Variants in TBPL2 observed in about 807,000 individuals in gnomAD.
TBPL2 encodes the protein TATA box-binding protein-like 2.
A neutral mutation model predicts 38.2 loss-of-function variants in TBPL2; 40 were observed. That is an observed-to-expected ratio of 1.05 (90% CI 0.81 to 1.36). The LOEUF is 1.36. Among genes scored for constraint, TBPL2 ranks in the 40% most tolerant of loss-of-function variants. TBPL2 has a pLI of 0.00. For missense variants in TBPL2, 461 were observed against 456.7 expected, an observed-to-expected ratio of 1.01 and a Z score of -0.09; for synonymous variants, 169 against 171.7, an observed-to-expected ratio of 0.98 and a Z score of 0.12.
intron 6 of TBPL2, among the ~76,000 whole-genome samples, chr14:55,416,657 A>T (rs17128459): frequency 0.046 from 6,982 of 151,978 alleles, 517 homozygotes; most frequent in African/African-American, 0.16. Context: ...ACAAAACCAA[A>T]CTCTTTAGAA....
At chr14:55,433,679 T>C (rs765020297) in exon 4 of TBPL2, 34 of 1,614,118 alleles carry the variant, frequency 2.1e-5, no homozygotes, top group Non-Finnish European at 2.9e-5. Flanking sequence ...ATAAGGGCTG[T>C]TGTCCTGGGC....
At chr14:55,422,992 G>GA (rs1885768176) in intron 6 of TBPL2, among the ~76,000 whole-genome samples, 1 of 151,600 alleles carries the variant, frequency 6.6e-6, no homozygotes, top group Non-Finnish European at 1.5e-5. Flanking sequence ...AAGCCAACAG[G>GA]AAAAAATAAC....
chr14:55,428,119 CTTTTTTTT>C (rs567342581), intron 5 of TBPL2, among the ~76,000 whole-genome samples: 8 of 43,330 alleles, frequency 1.8e-4, no homozygotes, highest in African/African-American at 6.8e-4. Flanking sequence ...CATGCCTTAT[CTTTTTTTT>C]TTTTTTTTTT....
intron 5 of TBPL2, among the ~76,000 whole-genome samples, chr14:55,425,580 G>C (rs948570527): frequency 6.6e-6 from 1 of 152,148 alleles, no homozygotes; most frequent in African/African-American, 2.4e-5. Flanking sequence ...CAGAGAAAGA[G>C]AGTGGTTTTG....
chr14:55,427,722 G>A (rs546039859), intron 5 of TBPL2, among the ~76,000 whole-genome samples: 126 of 152,164 alleles, frequency 8.3e-4, no homozygotes, highest in Admixed American at 2.6e-3. Flanking sequence ...TGGGGGCGGG[G>A]GAGGAGCACT....
chr14:55,426,727 G>T (rs1463328494), intron 5 of TBPL2, among the ~76,000 whole-genome samples: 2 of 151,164 alleles, frequency 1.3e-5, no homozygotes, highest in African/African-American at 4.9e-5. Flanking sequence ...AAAAAAAAAA[G>T]AAAAGAAAAG....
intron 1 of TBPL2, among the ~76,000 whole-genome samples, chr14:55,437,471 C>A (rs1041808104): frequency 6.6e-6 from 1 of 152,170 alleles, no homozygotes; most frequent in Non-Finnish European, 1.5e-5. Flanking sequence ...GAGCGAGACT[C>A]CATCTAAAAA....
intron 6 of TBPL2, among the ~76,000 whole-genome samples, chr14:55,418,095 C>T (rs1885693280): frequency 6.6e-6 from 1 of 152,176 alleles, no homozygotes; most frequent in South Asian, 2.1e-4. Flanking sequence ...ATACTTCCAG[C>T]TTAGGGACAT....
At chr14:55,438,193 C>T (rs1886047057) in intron 1 of TBPL2, among the ~76,000 whole-genome samples, 2 of 152,186 alleles carry the variant, frequency 1.3e-5, no homozygotes, top group African/African-American at 4.8e-5. Context: ...CACCGTGTTG[C>T]ATCTTCTCAG....
At chr14:55,440,513 C>G (rs751182945) in exon 1 of TBPL2, 1 of 1,611,018 alleles carries the variant, frequency 6.2e-7, no homozygotes, top group South Asian at 1.1e-5. Context: ...CGAGCAGCCT[C>G]GGAACCCGCT....
chr14:55,439,821 C>T (rs1293984770), intron 1 of TBPL2, among the ~76,000 whole-genome samples: 1 of 150,752 alleles, frequency 6.6e-6, no homozygotes, highest in Non-Finnish European at 1.5e-5. Flanking sequence ...GTCCCAGCTA[C>T]TCGGGAGGCT....
At chr14:55,415,059 C>T (rs1885648221) in intron 6 of TBPL2, among the ~76,000 whole-genome samples, 1 of 152,188 alleles carries the variant, frequency 6.6e-6, no homozygotes, top group Non-Finnish European at 1.5e-5. Context: ...CAAACAGTCT[C>T]CACCATTGAG....
intron 6 of TBPL2, among the ~76,000 whole-genome samples, chr14:55,423,508 G>A (rs1408219200): frequency 2.4e-4 from 37 of 152,202 alleles, no homozygotes; most frequent in Non-Finnish European, 1.5e-5. Flanking sequence ...GGGACAATAC[G>A]TTTGATTCAA....
exon 2 of TBPL2, chr14:55,436,651 G>T (rs1361393759): frequency 6.2e-7 from 1 of 1,614,208 alleles, no homozygotes; most frequent in Non-Finnish European, 8.5e-7. Context: ...GTCGGAGTTT[G>T]GTTTCTCAGG....
chr14:55,420,137 C>A (rs1242758623), intron 6 of TBPL2, among the ~76,000 whole-genome samples: 1 of 152,222 alleles, frequency 6.6e-6, no homozygotes, highest in African/African-American at 2.4e-5. Context: ...GTGGCACGAT[C>A]TCGGCTCACT....
At chr14:55,426,189 C>A (rs1235347740) in intron 5 of TBPL2, among the ~76,000 whole-genome samples, 4 of 151,526 alleles carry the variant, frequency 2.6e-5, no homozygotes, top group African/African-American at 9.7e-5. Flanking sequence ...ATCACTTGAA[C>A]CCTGGGGGGT....
At chr14:55,416,050 C>T (rs1039098864) in intron 6 of TBPL2, among the ~76,000 whole-genome samples, 1 of 151,780 alleles carries the variant, frequency 6.6e-6, no homozygotes. Flanking sequence ...TCCATGGAGA[C>T]AGAATTCAGA....
At chr14:55,421,304 G>C (rs1250238960) in intron 6 of TBPL2, among the ~76,000 whole-genome samples, 1 of 152,004 alleles carries the variant, frequency 6.6e-6, no homozygotes, top group Non-Finnish European at 1.5e-5. Context: ...AATTTTATTG[G>C]CAGGCTTTTC....
In TBPL2 at chr14:55,433,690, T is replaced by C. The variant is rs750187794; in HGVS notation, c.728A>G (p.Glu243Gly). The C allele has an allele frequency of 2.0e-5, 33 of 1,613,954 alleles. No individual in the cohort carries two copies. The highest frequency in any genetic ancestry group is 2.7e-5 in the Non-Finnish European group (32 of 1,179,998). The change falls in exon 4 of 7, where the codon GAG becomes GGG. Residue 243 changes from glutamate (E) to glycine (G), a missense_variant. Glu to Gly is a moderately conservative substitution (Grantham distance 98). Transcript: ENST00000247219. ...AAATATAAGGGCTGTTGTCCTGGGC[T>C]CTCGGATCCTCATTATGACAGCAGC... is the stretch of plus-strand genomic sequence containing the variant.
Sources: gnomAD v4.1 joint callset for allele counts (sites outside exome capture counted in the v4.1 genomes callset) on GRCh38, gnomAD v4.1.1 for gene constraint, MANE v1.5 for transcripts, NCBI Gene and HGNC (gene_info 2026-07-23, HGNC 2026-07-21) for gene names.